The following POTEC variants were observed in gnomAD, a reference collection of about 807,000 sequenced individuals.
POTEC encodes the protein POTE ankyrin domain family member C.
A neutral mutation model predicts 62.0 loss-of-function variants in POTEC; 35 were observed. The observed-to-expected ratio is 0.56, with a 90% CI of 0.43 to 0.75. The LOEUF (loss-of-function observed/expected upper bound fraction) is 0.75, where lower values mean the gene tolerates loss of function less well. Among genes scored for constraint, POTEC ranks in the 30% least tolerant of loss-of-function variants. The pLI, the probability that POTEC is intolerant of heterozygous loss-of-function variation, is 0.00. For synonymous variants in POTEC, 156 were observed against 221.5 expected, an observed-to-expected ratio of 0.70 and a Z score of 2.62; for missense variants, 472 against 655.9, an observed-to-expected ratio of 0.72 and a Z score of 3.06.
intron 3 of POTEC, among the ~76,000 whole-genome samples, chr18:14,537,118 A>T (rs929378385): frequency 2.7e-5 from 4 of 148,872 alleles, no homozygotes; most frequent in African/African-American, 9.9e-5. Flanking sequence ...CATTCTCTAA[A>T]ATGGAAAAGA....
At position 14,510,981 on chromosome 18, in the gene POTEC, A is replaced by C. The variant is rs1909991193; in HGVS notation, c.*917T>G. 2 of 152,226 alleles carry C rather than the reference A, an allele frequency of 1.3e-5. No homozygotes were observed. The highest frequency in any genetic ancestry group is 4.1e-4 in the South Asian group (2 of 4,832). The allele number at this position is 152,226 out of a possible 1,614,324, so 9.4% of individuals were successfully genotyped here. ...CTGGAGACCCTGGTTGAAAGGCTCC[A>C]CCCAGTGATTAGAAATGTGGTTGGG... On this transcript the variant is annotated 3_prime_UTR_variant, in exon 11 of 11. Coordinates refer to ENST00000358970, the MANE Select transcript of POTEC (RefSeq NM_001137671.2).
At chr18:14,521,225 T>C (rs1910299353) in intron 9 of POTEC, among the ~76,000 whole-genome samples, 1 of 152,190 alleles carries the variant, frequency 6.6e-6, no homozygotes, top group Non-Finnish European at 1.5e-5. Flanking sequence ...CTAGCAATCT[T>C]GTTGCTAACA....
At chr18:14,537,228 A>G (rs1383002222) in intron 3 of POTEC, among the ~76,000 whole-genome samples, 1 of 147,006 alleles carries the variant, frequency 6.8e-6, no homozygotes, top group African/African-American at 2.6e-5. Flanking sequence ...AAAAAAAACA[A>G]AAAAAAACCT....
chr18:14,521,292 G>T (rs1034106080), intron 9 of POTEC, among the ~76,000 whole-genome samples: 30 of 152,020 alleles, frequency 2.0e-4, no homozygotes, highest in African/African-American at 6.5e-4. Flanking sequence ...GATATTACAA[G>T]AATTCTAACA....
intron 7 of POTEC, among the ~76,000 whole-genome samples, chr18:14,524,601 A>G (rs1414354846): frequency 2.0e-5 from 3 of 152,148 alleles, no homozygotes; most frequent in Admixed American, 6.5e-5. Context: ...GATTAGCTAT[A>G]AGCTAATCAA....
intron 6 of POTEC, among the ~76,000 whole-genome samples, chr18:14,529,526 A>G (rs1905429254): frequency 6.6e-6 from 1 of 152,186 alleles, no homozygotes; most frequent in East Asian, 1.9e-4. Context: ...AGGTGTCCTA[A>G]TACAGTTTGG....
At chr18:14,535,051 T>C in intron 3 of POTEC, 44 bp from the exon 4 acceptor site, 2 of 1,594,964 alleles carry the variant, frequency 1.3e-6, no homozygotes, top group Non-Finnish European at 1.7e-6. Flanking sequence ...ATTCAAAAAA[T>C]TATGTATTTC....
At chr18:14,528,466 G>A (rs1910496957) in intron 6 of POTEC, among the ~76,000 whole-genome samples, 1 of 152,252 alleles carries the variant, frequency 6.6e-6, no homozygotes, top group Admixed American at 6.5e-5. Context: ...CCCAGCCAAT[G>A]GAATGTTACA....
intron 9 of POTEC, among the ~76,000 whole-genome samples, chr18:14,516,338 C>CTATATG (rs1567910128): frequency 6.6e-5 from 2 of 30,236 alleles, no homozygotes; most frequent in African/African-American, 2.8e-4. Flanking sequence ...ATATATATAC[C>CTATATG]TATACCTGAG....
rs1905984097 is a variant in POTEC at position 14,542,705 on chromosome 18, A to C, written c.442T>G (p.Trp148Gly). 1 of 1,613,134 alleles carries C rather than the reference A, an allele frequency of 6.2e-7. No individual in the cohort carries two copies. Among genetic ancestry groups the C allele is most frequent in the Non-Finnish European group, 8.5e-7 (1 of 1,179,892 alleles). ...TCCTTTCTGGGGACCTTACCCCACC[A>C]GGCAGCTCTGTGGAGCTTGTCCAGA... Reference protein sequence around the residue: ...EDLDKLHRAAWWGKVPRKDLI... With the variant: ...EDLDKLHRAAGWGKVPRKDLI... The change falls in exon 1 of 11, where the codon TGG (tryptophan) becomes GGG (glycine). Residue 148 changes from tryptophan (W) to glycine (G), a missense_variant. Physicochemically the swap from Trp to Gly is radical, Grantham distance 184 (BLOSUM62 -2). This residue lies in a region of POTEC where 257 missense variants were observed against 250.7 expected (regional missense o/e 1.03). Coordinates refer to ENST00000358970, the MANE Select transcript of POTEC (RefSeq NM_001137671.2).
At chr18:14,537,621 T>C (rs1181003999) in intron 3 of POTEC, among the ~76,000 whole-genome samples, 180 bp downstream of exon 3, 1 of 152,162 alleles carries the variant, frequency 6.6e-6, no homozygotes, top group Non-Finnish European at 1.5e-5. Context: ...AACTGTACCC[T>C]CTAATGCTTC....
chr18:14,510,906 A>C lies in POTEC; in HGVS notation c.*992T>G, dbSNP rs1909988838. The C allele has an allele frequency of 6.6e-6, 1 of 152,316 alleles. No individual in the cohort carries two copies. 9.4% of individuals were successfully genotyped at this position (152,316 alleles called of 1,614,324 possible). On this transcript the variant is annotated 3_prime_UTR_variant, in exon 11 of 11. Coordinates refer to ENST00000358970, the MANE Select transcript of POTEC (RefSeq NM_001137671.2). ...TCTGGTCCTCCCCCTGGGAGCTCTG[A>C]CTCAGGAGGCCTGAAACCTCTGTGA...
At chr18:14,526,580 A>ACC (rs2143137567) in intron 6 of POTEC, among the ~76,000 whole-genome samples, 1 of 152,222 alleles carries the variant, frequency 6.6e-6, no homozygotes, top group South Asian at 2.1e-4. Flanking sequence ...AAAGTGGTAG[A>ACC]GGGCAAGAAA....
chr18:14,507,754 C>T lies in POTEC; in HGVS notation c.*4144G>A, dbSNP rs914860345. On this transcript the variant is annotated 3_prime_UTR_variant, in exon 11 of 11. Coordinates refer to ENST00000358970, the MANE Select transcript of POTEC (RefSeq NM_001137671.2). ...CCATATTTAGTGCTTCCTTCAGGAG[C>T]TCTTGTAAGGTAGGTCTGGTGATAA... 1 of 152,178 alleles carries T rather than the reference C, an allele frequency of 6.6e-6. No homozygotes were observed. Among genetic ancestry groups the T allele is most frequent in the African/African-American group, 2.4e-5 (1 of 41,432 alleles). 9.4% of individuals were successfully genotyped at this position (152,178 alleles called of 1,614,324 possible).
intron 9 of POTEC, among the ~76,000 whole-genome samples, chr18:14,516,848 T>C (rs2143115655): frequency 6.6e-6 from 1 of 152,064 alleles, no homozygotes; most frequent in Admixed American, 6.5e-5. Context: ...CTGTAATTAC[T>C]TTTAAATGAG....
chr18:14,541,922 G>T (rs1200982681), intron 1 of POTEC, among the ~76,000 whole-genome samples: 1 of 152,154 alleles, frequency 6.6e-6, no homozygotes, highest in Non-Finnish European at 1.5e-5. Flanking sequence ...CTTTTCAGCT[G>T]TTAGTAAACA....
intron 6 of POTEC, among the ~76,000 whole-genome samples, chr18:14,529,748 A>G (rs1905437392): frequency 6.6e-6 from 1 of 152,112 alleles, no homozygotes; most frequent in African/African-American, 2.4e-5. Context: ...AGAAGAACAC[A>G]TCTTGTTCCA....
In POTEC at chr18:14,508,495, C is replaced by A. The variant is rs1007090253; in HGVS notation, c.*3403G>T. 1.1e-4 allele frequency: 17 copies of A among 152,658 alleles called. No homozygotes were observed. The highest frequency in any genetic ancestry group is 1.0e-3 in the Admixed American group (16 of 15,282). The allele number at this position is 152,658 out of a possible 1,614,324, so 9.5% of individuals were successfully genotyped here. ...TGCCCACACATACTACAATAATATTCATAATGCAATCACACACAATCACCA... is the reference window on the plus strand; with the variant it reads ...TGCCCACACATACTACAATAATATTAATAATGCAATCACACACAATCACCA... On this transcript the variant is annotated 3_prime_UTR_variant, in exon 11 of 11. Transcript: ENST00000358970.
chr18:14,543,256 G>A lies in POTEC; in HGVS notation c.-110C>T. On this transcript the variant is annotated 5_prime_UTR_variant, in exon 1 of 11. Transcript: ENST00000358970. ...GTTTCCAATCTGTTTGAAGAGAAAG[G>A]TCAATCCCAGCCAAAACTTGCCAAC... 6.8e-7 allele frequency: 1 copy of A among 1,481,082 alleles called. No homozygotes were observed. The highest frequency in any genetic ancestry group is 9.1e-7 in the Non-Finnish European group (1 of 1,095,142). The allele number at this position is 1,481,082 out of a possible 1,614,324, so 91.7% of individuals were successfully genotyped here.
Sources: gnomAD v4.1 joint callset for allele counts (sites outside exome capture counted in the v4.1 genomes callset) on GRCh38, gnomAD v4.1.1 for gene constraint, gnomAD v4.1.1 regional missense constraint, MANE v1.5 for transcripts, NCBI Gene and HGNC (gene_info 2026-07-23, HGNC 2026-07-21) for gene names.